Variants in NRXN1 observed in about 807,000 individuals in gnomAD.
The protein encoded by NRXN1 is neurexin-1.
In NRXN1, 39 loss-of-function variants were observed where a neutral mutation model predicts 150.9. The ratio of observed to expected loss-of-function variants is 0.26; its 90% CI spans 0.20 to 0.34. NRXN1 has a LOEUF of 0.34. Among genes scored for constraint, NRXN1 ranks in the 10% least tolerant of loss-of-function variants. The pLI is 1.00. For synonymous variants in NRXN1, 924 were observed against 757.0 expected (o/e 1.22, Z -3.62); for missense variants, 1,815 against 1,949.9 (o/e 0.93, Z 1.30).
At chr2:50,262,742 G>T (rs997814392) in intron 17 of NRXN1, among the ~76,000 whole-genome samples, 14 of 151,968 alleles carry the variant, frequency 9.2e-5, no homozygotes, top group Non-Finnish European at 1.8e-4. Context: ...AGATGTAGCT[G>T]CAGTGGTGTC....
intron 18 of NRXN1, among the ~76,000 whole-genome samples, chr2:50,141,832 A>G (rs1330801435): frequency 6.6e-6 from 1 of 152,068 alleles, no homozygotes; most frequent in Admixed American, 6.6e-5. Flanking sequence ...GAGAAAAGGC[A>G]ATTCTTACAC....
chr2:50,185,412 A>G (rs1225318449), intron 18 of NRXN1: 1 of 152,014 alleles, frequency 6.6e-6, no homozygotes, highest in Non-Finnish European at 1.5e-5. Flanking sequence ...AACAGAGAAA[A>G]TATGATGTAG....
At chr2:51,009,814 C>T (rs1211586257) in intron 2 of NRXN1, among the ~76,000 whole-genome samples, 1 of 151,860 alleles carries the variant, frequency 6.6e-6, no homozygotes, top group East Asian at 1.9e-4. Flanking sequence ...TAACACAAAT[C>T]ACTCTGCTGA....
At chr2:50,229,566 T>C (rs924082584) in intron 18 of NRXN1, among the ~76,000 whole-genome samples, 8 of 152,062 alleles carry the variant, frequency 5.3e-5, no homozygotes, top group African/African-American at 1.4e-4. Flanking sequence ...GTCTGGATCA[T>C]AAGGGTAAAC....
chr2:49,968,270 A>C (rs979524375), intron 21 of NRXN1, among the ~76,000 whole-genome samples: 1 of 152,122 alleles, frequency 6.6e-6, no homozygotes, highest in Non-Finnish European at 1.5e-5. Flanking sequence ...AGTTATGCCA[A>C]AGTGTCCAAT....
chr2:49,974,755 C>CT (rs34749359), intron 21 of NRXN1, among the ~76,000 whole-genome samples: 8,581 of 141,684 alleles, frequency 0.061, 760 homozygotes, highest in African/African-American at 0.19. Flanking sequence ...CATTCTTAGG[C>CT]TTTTTTTTTT....
At chr2:50,854,219 C>T (rs1455163586) in intron 5 of NRXN1, among the ~76,000 whole-genome samples, 1 of 151,666 alleles carries the variant, frequency 6.6e-6, no homozygotes, top group Admixed American at 6.6e-5. Context: ...GGATTAACAA[C>T]AAAAAAAGAG....
At chr2:50,423,854 T>C (rs1194415160) in intron 17 of NRXN1, among the ~76,000 whole-genome samples, 2 of 152,042 alleles carry the variant, frequency 1.3e-5, no homozygotes, top group East Asian at 1.9e-4. Context: ...GATCTAAATA[T>C]GAGAGGGAGC....
intron 18 of NRXN1, among the ~76,000 whole-genome samples, chr2:50,115,271 A>C (rs1702905850): frequency 6.7e-6 from 1 of 148,844 alleles, no homozygotes; most frequent in African/African-American, 2.5e-5. Flanking sequence ...AATAATACAT[A>C]TTTTATATAC....
intron 10 of NRXN1, among the ~76,000 whole-genome samples, chr2:50,532,221 C>A (rs957690484): frequency 3.3e-5 from 5 of 152,040 alleles, no homozygotes; most frequent in Non-Finnish European, 7.4e-5. Flanking sequence ...CTGAATTATT[C>A]ATCTGCACAA....
intron 15 of NRXN1, among the ~76,000 whole-genome samples, chr2:50,484,700 A>C (rs10221944): frequency 6.6e-6 from 1 of 152,144 alleles, no homozygotes; most frequent in Non-Finnish European, 1.5e-5. Flanking sequence ...GTTTGAGGAG[A>C]ACTTCAGGGG....
In NRXN1 at chr2:50,390,223, G is replaced by A. The variant is rs2081595184; in HGVS notation, c.3364+75219C>T. Among the ~76,000 whole-genome samples the A allele has an allele frequency of 2.6e-5, 4 of 152,106 alleles. No individual in the cohort carries two copies. The South Asian group carries it at 8.3e-4, about 32-fold the overall frequency. On this transcript the variant is annotated intron_variant, in intron 17 of 22. Coordinates refer to ENST00000401669, the MANE Select transcript of NRXN1 (RefSeq NM_001330078.2). ...TGCCTATTTAAACAGGCTTTCACCT[G>A]GAGGACAATGGGGTGTTACAGGAAA...
chr2:50,650,239 T>C (rs1230637386), intron 5 of NRXN1, among the ~76,000 whole-genome samples: 2 of 152,060 alleles, frequency 1.3e-5, no homozygotes, highest in African/African-American at 4.8e-5. Flanking sequence ...TGCTTTGTGA[T>C]GCCAGACCTC....
At position 51,024,555 on chromosome 2, in the gene NRXN1, A is replaced by G. The variant is rs139261820; in HGVS notation, c.772+2947T>C. Among the ~76,000 whole-genome samples, 6 of 152,274 alleles carry G rather than the reference A, an allele frequency of 3.9e-5. 1 individual carries two copies. The highest frequency in any genetic ancestry group is 1.4e-4 in the African/African-American group (6 of 41,568). ...ATTCTCTAACAATACATAAATAAAT[A>G]AAACTTGCTAGGCTCAAACACAAAG... is the stretch of plus-strand genomic sequence containing the variant. On this transcript the variant is annotated intron_variant, in intron 2 of 22. Coordinates refer to ENST00000401669, the MANE Select transcript of NRXN1 (RefSeq NM_001330078.2).
intron 5 of NRXN1, among the ~76,000 whole-genome samples, chr2:50,776,462 T>C (rs953928907): frequency 6.6e-6 from 1 of 152,028 alleles, no homozygotes; most frequent in Admixed American, 6.6e-5. Context: ...AATTTTTAAA[T>C]GTTGCAATAA....
chr2:50,103,964 C>T (rs1701314796), intron 18 of NRXN1, among the ~76,000 whole-genome samples: 2 of 152,018 alleles, frequency 1.3e-5, no homozygotes, highest in South Asian at 2.1e-4. Context: ...ATCTCAGGCC[C>T]ATTGCTCTTC....
At chr2:51,004,885 T>C (rs1406608519) in intron 2 of NRXN1, among the ~76,000 whole-genome samples, 1 of 151,788 alleles carries the variant, frequency 6.6e-6, no homozygotes, top group South Asian at 2.1e-4. Context: ...ATCAAAGGAA[T>C]GAAAAAAGTC....
At position 50,742,881 on chromosome 2, in the gene NRXN1, G is replaced by A. The variant is rs538668725; in HGVS notation, c.833-119266C>T. The stretch of plus-strand genomic sequence containing the variant: ...ACTTCCACATTTTCACATTAAAGGT[G>A]AGGAAAATTGATTTCTGAAGTTCAG... On this transcript the variant is annotated intron_variant, in intron 5 of 22. Coordinates refer to ENST00000401669, the MANE Select transcript of NRXN1 (RefSeq NM_001330078.2). Among the ~76,000 whole-genome samples the A allele has an allele frequency of 4.7e-4, 71 of 152,192 alleles. No individual in the cohort carries two copies. The Middle Eastern group carries it at 0.02, about 44-fold the overall frequency.
intron 17 of NRXN1, among the ~76,000 whole-genome samples, chr2:50,333,826 G>A (rs1207559736): frequency 1.3e-5 from 2 of 151,970 alleles, no homozygotes; most frequent in African/African-American, 4.8e-5. Context: ...TGATTTGCCA[G>A]CAGAGTGTGT....
Sources: gnomAD v4.1 joint callset for allele counts (sites outside exome capture counted in the v4.1 genomes callset) on GRCh38, gnomAD v4.1.1 for gene constraint, MANE v1.5 for transcripts, NCBI Gene and HGNC (gene_info 2026-07-23, HGNC 2026-07-21) for gene names.